PIK3R6: variants seen among roughly 807,000 people sequenced by gnomAD.
PIK3R6 encodes phosphoinositide-3-kinase regulatory subunit 6.
In PIK3R6, 91 loss-of-function variants were observed where a neutral mutation model predicts 84.9. That is an observed-to-expected ratio of 1.07 (90% CI 0.90 to 1.28). The LOEUF is 1.28. Among genes scored for constraint, PIK3R6 ranks in the 50% most tolerant of loss-of-function variants. The pLI, the probability that PIK3R6 is intolerant of heterozygous loss-of-function variation, is 0.00. For missense variants in PIK3R6, 996 were observed against 985.1 expected, an observed-to-expected ratio of 1.01 and a Z score of -0.15; for synonymous variants, 416 against 411.4, an observed-to-expected ratio of 1.01 and a Z score of -0.13.
At chr17:8,852,738 C>CAA (rs34620144) in intron 1 of PIK3R6, among the ~76,000 whole-genome samples, 33,575 of 101,472 alleles carry the variant, frequency 0.33, 4,459 homozygotes, top group Non-Finnish European at 0.4. Context: ...GACTCTGTCT[C>CAA]AAAAAAAAAA....
rs766371781 is a variant in PIK3R6, at chr17:8,836,535, G to A, written c.461+12C>T. 6.2e-7 allele frequency: 1 copy of A among 1,613,814 alleles called. No homozygotes were observed. The highest frequency in any genetic ancestry group is 2.2e-5 in the East Asian group (1 of 44,872). ...GGAGGCTGAAGGTAGCAATTTTTCT[G>A]GGGCCACTCACCTCTCCTGGTAGGG... On this transcript the variant is annotated intron_variant, in intron 7 of 19. Coordinates refer to ENST00000619866, the MANE Select transcript of PIK3R6 (RefSeq NM_001010855.4).
intron 1 of PIK3R6, among the ~76,000 whole-genome samples, chr17:8,857,766 G>A (rs911893257): frequency 3.9e-5 from 6 of 152,012 alleles, no homozygotes; most frequent in Non-Finnish European, 8.8e-5. Context: ...TGGGTGTGGC[G>A]GCAGGTGCCA....
chr17:8,838,994 C>T (rs1307578511), intron 3 of PIK3R6, among the ~76,000 whole-genome samples: 1 of 152,184 alleles, frequency 6.6e-6, no homozygotes, highest in Non-Finnish European at 1.5e-5. Context: ...GGAAGTCCTG[C>T]AGGCCTGGAG....
chr17:8,819,779 CACAT>C (rs2087664656), intron 17 of PIK3R6, among the ~76,000 whole-genome samples: 1 of 145,744 alleles, frequency 6.9e-6, no homozygotes, highest in African/African-American at 2.5e-5. Context: ...TATATACGCA[CACAT>C]ATATATGTGT....
intron 1 of PIK3R6, among the ~76,000 whole-genome samples, chr17:8,850,119 C>T (rs1470690318): frequency 6.6e-6 from 1 of 152,052 alleles, no homozygotes; most frequent in Non-Finnish European, 1.5e-5. Context: ...GCCCAACAAA[C>T]ATGGTGAAAC....
At chr17:8,857,546 G>A (rs2089172183) in intron 1 of PIK3R6, among the ~76,000 whole-genome samples, 1 of 152,154 alleles carries the variant, frequency 6.6e-6, no homozygotes, top group African/African-American at 2.4e-5. Flanking sequence ...AGCCTCGAAA[G>A]AAAAGAAATC....
chr17:8,864,086 C>A (rs2089346245), intron 1 of PIK3R6, among the ~76,000 whole-genome samples: 2 of 152,176 alleles, frequency 1.3e-5, no homozygotes, highest in Non-Finnish European at 2.9e-5. Context: ...GCCTGGTGAG[C>A]ATTCTTCTGC....
chr17:8,814,213 A>ATTTTTTTTTTTTTT (rs528042541), intron 18 of PIK3R6, among the ~76,000 whole-genome samples: 2 of 76,398 alleles, frequency 2.6e-5, no homozygotes, highest in African/African-American at 1.3e-4. Flanking sequence ...TCAGAGAGAG[A>ATTTTTTTTTTTTTT]TCTTTTTTTT....
At position 8,837,863 on chromosome 17, in the gene PIK3R6, G is replaced by A; in HGVS notation, c.198C>T (p.Ser66=). ...GAATGATGACATGCCGGAGGTCCTG[G>A]CTTTCCGCCTGGAAAACAGGAGATC... The part of the protein sequence containing the change: ...ILLRELEKAE[S]QDLRHVIIPL... Residue 66 remains serine (S), a synonymous_variant, in exon 5 of 20, where the codon AGC becomes AGT. Coordinates refer to ENST00000619866, the MANE Select transcript of PIK3R6 (RefSeq NM_001010855.4). 1 of 1,613,794 alleles carries A rather than the reference G, an allele frequency of 6.2e-7. No individual in the cohort carries two copies. The highest frequency in any genetic ancestry group is 8.5e-7 in the Non-Finnish European group (1 of 1,179,700).
At chr17:8,822,694 C>G in intron 15 of PIK3R6, 37 bp from the exon 16 acceptor site, 1 of 1,601,970 alleles carries the variant, frequency 6.2e-7, no homozygotes, top group Non-Finnish European at 8.5e-7. Flanking sequence ...GGTGGAGGTT[C>G]CCAGGCCTCT....
At chr17:8,835,995 C>A (rs1391793965) in intron 7 of PIK3R6, among the ~76,000 whole-genome samples, 1 of 152,164 alleles carries the variant, frequency 6.6e-6, no homozygotes, top group Non-Finnish European at 1.5e-5. Flanking sequence ...TCAAGCTGTG[C>A]CTTTCAGGGC....
In PIK3R6 at chr17:8,823,627, A is replaced by G; in HGVS notation, c.1516-130T>C. 6 of 643,844 alleles carry G rather than the reference A, an allele frequency of 9.3e-6. No homozygotes were observed. In the South Asian group the frequency reaches 1.1e-4, roughly 12 times the overall value. 39.9% of individuals were successfully genotyped at this position (643,844 alleles called of 1,614,324 possible). On this transcript the variant is annotated intron_variant, in intron 13 of 19. Transcript: ENST00000619866. ...ACTAACCCAGTGCGTCCTTCAACAC[A>G]TTCCAAACCTTTCCTACCACTGAAT... is the stretch of plus-strand genomic sequence containing the variant.
intron 1 of PIK3R6, among the ~76,000 whole-genome samples, chr17:8,860,930 G>GGT (rs10667655): frequency 6.6e-6 from 1 of 152,166 alleles, no homozygotes; most frequent in Non-Finnish European, 1.5e-5. Flanking sequence ...GCCGGGCACG[G>GGT]TCACGCCTGT....
chr17:8,827,871 C>T (rs1283629569), intron 12 of PIK3R6, among the ~76,000 whole-genome samples: 1 of 127,592 alleles, frequency 7.8e-6, no homozygotes, highest in Non-Finnish European at 1.7e-5. Context: ...AAAAACAAAA[C>T]AAATAGCAGC....
rs1297087428 is a variant in PIK3R6, at chr17:8,828,202, C to T, written c.1314-12G>A. The T allele has an allele frequency of 1.2e-6, 2 of 1,613,300 alleles. No homozygotes were observed. The highest frequency in any genetic ancestry group is 1.7e-4 in the Middle Eastern group (1 of 6,058). ...GGGTCTCCCGTTTCCTAGCAATGGG[C>T]AGCAAAGCAGAGGAGGTTAGGGGCG... is the stretch of plus-strand genomic sequence containing the variant. On this transcript the variant is annotated splice_polypyrimidine_tract_variant and intron_variant, in intron 11 of 19. Coordinates refer to ENST00000619866, the MANE Select transcript of PIK3R6 (RefSeq NM_001010855.4).
At chr17:8,817,655 C>A (rs1248751502) in intron 18 of PIK3R6, among the ~76,000 whole-genome samples, 3 of 150,224 alleles carry the variant, frequency 2.0e-5, no homozygotes, top group Admixed American at 6.6e-5. Context: ...AAAAACAAAA[C>A]AAAACAAAAA....
chr17:8,836,503 AGT>A, intron 7 of PIK3R6, 42 bp downstream of exon 7: 2 of 1,604,068 alleles, frequency 1.2e-6, no homozygotes, highest in Non-Finnish European at 8.5e-7. Context: ...AAGCCACAAC[AGT>A]TTTAGGAGGC....
chr17:8,810,901 A>G (rs1363862742), intron 18 of PIK3R6, among the ~76,000 whole-genome samples: 2 of 148,660 alleles, frequency 1.3e-5, no homozygotes, highest in Non-Finnish European at 2.9e-5. Flanking sequence ...CAGTGGATCT[A>G]TCATTCTGGG....
intron 13 of PIK3R6, among the ~76,000 whole-genome samples, chr17:8,825,455 T>C (rs1271008571): frequency 6.6e-6 from 1 of 152,144 alleles, no homozygotes; most frequent in East Asian, 1.9e-4. Context: ...AATGAATAAA[T>C]CAATGAGAGC....
Sources: gnomAD v4.1 joint callset for allele counts (sites outside exome capture counted in the v4.1 genomes callset) on GRCh38, gnomAD v4.1.1 for gene constraint, MANE v1.5 for transcripts, NCBI Gene and HGNC (gene_info 2026-07-23, HGNC 2026-07-21) for gene names.